The following HHAT variants were observed in gnomAD, a reference collection of about 807,000 sequenced individuals.
HHAT encodes the protein protein-cysteine N-palmitoyltransferase HHAT.
A neutral mutation model predicts 70.8 loss-of-function variants in HHAT; 47 were observed. That is an observed-to-expected ratio of 0.66 (90% CI 0.53 to 0.85). The LOEUF (loss-of-function observed/expected upper bound fraction) is 0.85, where lower values mean the gene tolerates loss of function less well. Among genes scored for constraint, HHAT ranks in the 40% least tolerant of loss-of-function variants. The pLI is 0.00. For missense variants in HHAT, 609 were observed against 604.8 expected (o/e 1.01, Z -0.07); for synonymous variants, 228 against 247.6 (o/e 0.92, Z 0.74).
Position 210,610,018 on chromosome 1 carries a change from G to T in HHAT, c.1246-13508G>T, listed in dbSNP as rs144735137. 3.8e-3 allele frequency among the ~76,000 whole-genome samples: 574 copies of T among 152,188 alleles called. 6 individuals are homozygous for T. Among genetic ancestry groups the T allele is most frequent in the African/African-American group, 0.013 (543 of 41,520 alleles). ...TAATAGAATGATTTATATTCCCTTG[G>T]GTATATACCCAGTAATGGGATTCCT... On this transcript the variant is annotated intron_variant, in intron 10 of 11. Transcript: ENST00000261458.
At chr1:210,339,651 G>C (rs1454542727) in intron 1 of HHAT, among the ~76,000 whole-genome samples, 2 of 152,140 alleles carry the variant, frequency 1.3e-5, no homozygotes, top group Admixed American at 1.3e-4. Context: ...CCAAATGCCA[G>C]ACATGTGCAT....
intron 6 of HHAT, among the ~76,000 whole-genome samples, chr1:210,412,697 G>C (rs996829878): frequency 6.6e-6 from 1 of 152,252 alleles, no homozygotes; most frequent in Non-Finnish European, 1.5e-5. Context: ...GACACATGGT[G>C]GTGGGGAGGG....
chr1:210,575,534 C>T (rs1296179061), intron 9 of HHAT, among the ~76,000 whole-genome samples: 2 of 152,168 alleles, frequency 1.3e-5, no homozygotes, highest in Non-Finnish European at 2.9e-5. Flanking sequence ...CTTCAATGTG[C>T]TCTCAAACAG....
At chr1:210,350,320 C>T (rs1469190771) in intron 2 of HHAT, among the ~76,000 whole-genome samples, 6 of 152,152 alleles carry the variant, frequency 3.9e-5, no homozygotes, top group Non-Finnish European at 7.3e-5. Flanking sequence ...TGGAATTTGC[C>T]AGGATTTTCA....
intron 7 of HHAT, among the ~76,000 whole-genome samples, chr1:210,455,272 C>T (rs1332610274): frequency 2.6e-5 from 4 of 152,174 alleles, no homozygotes; most frequent in Non-Finnish European, 5.9e-5. Context: ...GCTTCTTTGA[C>T]CTGGTATTAG....
chr1:210,653,376 T>C (rs531588708), intron 11 of HHAT, among the ~76,000 whole-genome samples: 2 of 152,042 alleles, frequency 1.3e-5, no homozygotes, highest in Admixed American at 1.3e-4. Flanking sequence ...ACAAAAGTTA[T>C]CTGGATGTGA....
chr1:210,596,829 T>C (rs571521970), intron 10 of HHAT, among the ~76,000 whole-genome samples: 31 of 152,294 alleles, frequency 2.0e-4, no homozygotes, highest in African/African-American at 7.0e-4. Flanking sequence ...GTGCCTTCTT[T>C]AGTTCGTTCA....
intron 9 of HHAT, among the ~76,000 whole-genome samples, chr1:210,529,788 C>A (rs568257737): frequency 1.3e-5 from 2 of 152,192 alleles, no homozygotes; most frequent in Non-Finnish European, 2.9e-5. Flanking sequence ...GTGCTGCCAG[C>A]GGTGTCACCA....
chr1:210,333,875 T>C (rs2085224206), intron 1 of HHAT, among the ~76,000 whole-genome samples: 1 of 152,148 alleles, frequency 6.6e-6, no homozygotes, highest in South Asian at 2.1e-4. Context: ...CAGGCTGGTC[T>C]TGAACTCCTG....
chr1:210,502,562 C>A (rs959219324), intron 8 of HHAT, among the ~76,000 whole-genome samples: 4 of 152,110 alleles, frequency 2.6e-5, no homozygotes, highest in African/African-American at 9.7e-5. Flanking sequence ...GTGGGAAAAT[C>A]ATTGAATCAT....
chr1:210,445,877 CTT>C (rs112654722), intron 7 of HHAT, among the ~76,000 whole-genome samples: 1,821 of 147,392 alleles, frequency 0.012, 30 homozygotes, highest in African/African-American at 0.04. Flanking sequence ...GTTACAGGCT[CTT>C]TTTTTTTTTT....
intron 11 of HHAT, among the ~76,000 whole-genome samples, chr1:210,657,041 A>AT (rs1313317886): frequency 1.3e-5 from 2 of 152,138 alleles, no homozygotes; most frequent in Admixed American, 6.5e-5. Flanking sequence ...TTGGAGCCAC[A>AT]TTTTTTTCCA....
chr1:210,410,422 C>A (rs943167247), intron 6 of HHAT, among the ~76,000 whole-genome samples: 8 of 147,184 alleles, frequency 5.4e-5, no homozygotes, highest in African/African-American at 2.1e-4. Flanking sequence ...ATGATATGAC[C>A]CTAAAGAAAG....
At chr1:210,432,004 T>C (rs2093258917) in intron 7 of HHAT, among the ~76,000 whole-genome samples, 1 of 151,948 alleles carries the variant, frequency 6.6e-6, no homozygotes, top group Non-Finnish European at 1.5e-5. Flanking sequence ...TATCCCATTT[T>C]GCAGTCCTAT....
chr1:210,534,882 A>G (rs565928747), intron 9 of HHAT, among the ~76,000 whole-genome samples: 22 of 152,342 alleles, frequency 1.4e-4, no homozygotes, highest in African/African-American at 5.3e-4. Context: ...TAAGATACCT[A>G]TAGAATTGTA....
chr1:210,511,685 G>A (rs889917258), intron 8 of HHAT, among the ~76,000 whole-genome samples: 3 of 152,022 alleles, frequency 2.0e-5, no homozygotes, highest in Non-Finnish European at 4.4e-5. Context: ...CCCAAGAGGC[G>A]AGACTGGTGG....
At chr1:210,523,274 C>G (rs2095189123) in intron 9 of HHAT, among the ~76,000 whole-genome samples, 1 of 152,056 alleles carries the variant, frequency 6.6e-6, no homozygotes. Flanking sequence ...TGTTTTTTGC[C>G]CCTACCTCAC....
intron 3 of HHAT, among the ~76,000 whole-genome samples, chr1:210,365,400 T>G (rs898016340): frequency 7.5e-6 from 1 of 134,174 alleles, no homozygotes; most frequent in Non-Finnish European, 1.5e-5. Context: ...CACTGCAACC[T>G]CTGCCTCCTG....
intron 7 of HHAT, among the ~76,000 whole-genome samples, chr1:210,439,007 G>T (rs773434897): frequency 1.3e-5 from 2 of 151,832 alleles, no homozygotes; most frequent in Non-Finnish European, 2.9e-5. Context: ...GCATCTGACC[G>T]CCAGGAAGGC....
Sources: allele counts gnomAD v4.1 joint callset (sites outside exome capture counted in the v4.1 genomes callset), GRCh38; gene constraint gnomAD v4.1.1; transcripts MANE v1.5; gene names NCBI Gene and HGNC (gene_info 2026-07-23, HGNC 2026-07-21).